Variants in HCFC1 observed in about 807,000 individuals in gnomAD.
HCFC1 encodes host cell factor C1.
HCFC1 carries 7 observed loss-of-function variants against 105.5 expected under a neutral mutation model. The ratio of observed to expected loss-of-function variants is 0.07; its 90% CI spans 0.04 to 0.12. HCFC1 has a LOEUF of 0.12. Among genes scored for constraint, HCFC1 ranks in the 10% least tolerant of loss-of-function variants. HCFC1 has a pLI of 1.00. For missense variants in HCFC1, 1,065 were observed against 1,823.6 expected, an observed-to-expected ratio of 0.58 and a Z score of 7.58; for synonymous variants, 918 against 828.1, an observed-to-expected ratio of 1.11 and a Z score of -1.86.
Position 153,959,360 on chromosome X carries a change from C to A in HCFC1, c.1576G>T (p.Val526Phe), listed in dbSNP as rs782573174. 1 of 1,209,770 alleles carries A rather than the reference C, an allele frequency of 8.3e-7. No individual in the cohort carries two copies. Among genetic ancestry groups the A allele is most frequent in the African/African-American group, 1.7e-5 (1 of 57,508 alleles). Reference sequence around the variant, plus strand: ...CCCTGGGCACTCTGTGTTGGCACAACCATCCGCACTCCGGCGGGAAGGGAG... The same window carrying A: ...CCCTGGGCACTCTGTGTTGGCACAAACATCCGCACTCCGGCGGGAAGGGAG... Reference protein sequence around the residue: ...VTSLPAGVRMVVPTQSAQGTV... With the variant: ...VTSLPAGVRMFVPTQSAQGTV... The change falls in exon 9 of 26, where the codon GTT becomes TTT. Residue 526 changes from valine to phenylalanine, a missense_variant. Physicochemically the swap from Val to Phe is conservative, Grantham distance 50. Coordinates refer to ENST00000310441, the MANE Select transcript of HCFC1 (RefSeq NM_005334.3).
chrX:153,952,715 C>G lies in HCFC1; in HGVS notation c.4741G>C (p.Glu1581Gln), dbSNP rs782729346. ...TGGGGAAGTGATAACTGGTCTACTT[C>G]GGACTGTGTGGGTGGGGGTGGCTGG... ...VVQPPPPTQS[E>Q]VDQLSLPQEL... The change falls in exon 19 of 26, where the codon GAA (glutamate) becomes CAA (glutamine). Residue 1581 changes from glutamate (E) to glutamine (Q), a missense_variant. Physicochemically the swap from Glu to Gln is conservative, Grantham distance 29. Transcript: ENST00000310441. 44 of 1,209,014 alleles carry G rather than the reference C, an allele frequency of 3.6e-5. No homozygotes were observed. Among genetic ancestry groups the G allele is most frequent in the Non-Finnish European group, 4.8e-5 (43 of 894,321 alleles).
Position 153,956,615 on chromosome X carries a change from G to A in HCFC1, c.2635+10C>T, listed in dbSNP as rs1603296190. 8.3e-7 allele frequency: 1 copy of A among 1,210,011 alleles called. No homozygotes were observed. Among genetic ancestry groups the A allele is most frequent in the Middle Eastern group, 2.3e-4 (1 of 4,341 alleles). On this transcript the variant is annotated intron_variant, in intron 15 of 25. Transcript: ENST00000310441. The stretch of plus-strand genomic sequence containing the variant: ...AGGGGTGGCAGGGGACCTGGCCTAT[G>A]GGTACACACCTGTGGTGCCTTTCAC...
intron 13 of HCFC1, 50 bp from the exon 14 acceptor site, chrX:153,957,110 C>T (rs782201865): frequency 1.7e-6 from 2 of 1,155,055 alleles, no homozygotes; most frequent in Non-Finnish European, 2.3e-6. Flanking sequence ...GAGGGCTGCC[C>T]CTGCTGCCCC....
rs201491654 is a variant in HCFC1, at chrX:153,952,716, G to A, written c.4740C>T (p.Ser1580=). 9.0e-5 allele frequency: 109 copies of A among 1,208,890 alleles called. No individual in the cohort carries two copies. In the South Asian group the frequency reaches 1.4e-3, roughly 15 times the overall value. The change falls in exon 19 of 26, where the codon TCC becomes TCT. Residue 1580 remains serine (S), a synonymous_variant. Transcript: ENST00000310441. ...VVVQPPPPTQ[S]EVDQLSLPQE... ...GGGGAAGTGATAACTGGTCTACTTC[G>A]GACTGTGTGGGTGGGGGTGGCTGGA...
intron 1 of HCFC1, among the ~76,000 whole-genome samples, chrX:153,967,139 A>G (rs2065480538): frequency 8.9e-6 from 1 of 111,991 alleles, no homozygotes; most frequent in South Asian, 3.7e-4. Context: ...GCCCCCTGAA[A>G]GCACACGAGC....
At chrX:153,959,222 G>T in intron 9 of HCFC1, 109 bp downstream of exon 9, 1 of 810,132 alleles carries the variant, frequency 1.2e-6, no homozygotes, top group Non-Finnish European at 1.8e-6. Context: ...GGAAAGGTGT[G>T]GGGTGCGTGG....
chrX:153,965,321 C>CCAGAGG (rs1244139341), intron 1 of HCFC1, among the ~76,000 whole-genome samples: 3 of 111,762 alleles, frequency 2.7e-5, no homozygotes, highest in African/African-American at 9.7e-5. Flanking sequence ...TTCTTGCAAG[C>CCAGAGG]CAGAGGCAGC....
chrX:153,966,316 C>T lies in HCFC1; in HGVS notation c.194-1590G>A, dbSNP rs188380314. 1.1e-3 allele frequency among the ~76,000 whole-genome samples: 130 copies of T among 113,047 alleles called. 1 individual carries two copies. Among genetic ancestry groups the T allele is most frequent in the African/African-American group, 4.0e-3 (124 of 31,174 alleles). On this transcript the variant is annotated intron_variant, in intron 1 of 25. Coordinates refer to ENST00000310441, the MANE Select transcript of HCFC1 (RefSeq NM_005334.3). ...CCCCCACCCCGCTCTCCAGCACCCA[C>T]TCTGCGGGTAGGCTTCGAGCAGGCT...
Position 153,964,213 on chromosome X carries a change from G to A in HCFC1, c.414C>T (p.Leu138=), listed in dbSNP as rs1302434138. The A allele has an allele frequency of 2.2e-5, 26 of 1,204,715 alleles. No individual in the cohort carries two copies. Among genetic ancestry groups the A allele is most frequent in the South Asian group, 3.6e-5 (2 of 56,199 alleles). Residue 138 remains leucine, a synonymous_variant, in exon 3 of 26, where the codon CTC becomes CTT. Coordinates refer to ENST00000310441, the MANE Select transcript of HCFC1 (RefSeq NM_005334.3). ...PKNGPPPCPR[L]GHSFSLVGNK... ...TGCCCACAAGGGAGAAGCTGTGCCC[G>A]AGTCGAGGACACGGAGGGGGCCCGT...
chrX:153,963,108 G>T, intron 4 of HCFC1, 117 bp downstream of exon 4: 2 of 551,730 alleles, frequency 3.6e-6, no homozygotes, highest in Non-Finnish European at 6.2e-6. Flanking sequence ...GCACGAAGTG[G>T]TATGCTCCAG....
rs371411952 is a variant in HCFC1, at chrX:153,956,951, A to T, written c.2463T>A (p.Ile821=). 9.8e-5 allele frequency: 119 copies of T among 1,208,843 alleles called. No individual in the cohort carries two copies. Among genetic ancestry groups the T allele is most frequent in the Non-Finnish European group, 1.3e-4 (113 of 894,978 alleles). Residue 821 remains isoleucine, a synonymous_variant, in exon 14 of 26, where the codon ATT becomes ATA. Transcript: ENST00000310441. ...PAKIITAVPK[I]ATGHGQQGVT... is the part of the protein sequence containing the mutation. ...CTCCCTGCTGCCCGTGGCCAGTGGC[A>T]ATTTTGGGGACAGCAGTGATGATTT...
chrX:153,957,423 G>A lies in HCFC1; in HGVS notation c.2244C>T (p.Pro748=). 8.3e-7 allele frequency: 1 copy of A among 1,210,552 alleles called. No homozygotes were observed. The highest frequency in any genetic ancestry group is 1.1e-6 in the Non-Finnish European group (1 of 894,410). ...AGACGCTGCTGATGCCCAGGATGGT[G>A]GGCTTGGTCCCCGCCCCACTGGCCT... ...TTQASGAGTK[P]TILGISSVSP... Residue 748 remains proline, a synonymous_variant, in exon 13 of 26, where the codon CCC becomes CCT. Coordinates refer to ENST00000310441, the MANE Select transcript of HCFC1 (RefSeq NM_005334.3).
Position 153,956,670 on chromosome X carries a change from C to T in HCFC1, c.2590G>A (p.Ala864Thr), listed in dbSNP as rs190023981. 1,900 of 1,210,086 alleles carry T rather than the reference C, an allele frequency of 1.6e-3. 3 individuals carry two copies. The highest frequency in any genetic ancestry group is 2.0e-3 in the Non-Finnish European group (1,813 of 895,139). ...AACGTGGTGACGGCTGGCTTGACGGCGGAGACGGTGACGGGTGTGACCAGG... is the reference window on the plus strand; with the variant it reads ...AACGTGGTGACGGCTGGCTTGACGGTGGAGACGGTGACGGGTGTGACCAGG... ...VRLVTPVTVS[A>T]VKPAVTTLVV... Residue 864 changes from alanine to threonine, a missense_variant, in exon 15 of 26, where the codon GCC (alanine) becomes ACC (threonine). By Grantham distance (58) the Ala-to-Thr change is moderately conservative. Around this residue, in one of 17 missense-constraint regions of HCFC1, gnomAD observed 137 missense variants for 378.2 expected, o/e 0.36. Coordinates refer to ENST00000310441, the MANE Select transcript of HCFC1 (RefSeq NM_005334.3).
Position 153,971,399 on chromosome X carries a change from T to A in HCFC1, c.-559A>T. On this transcript the variant is annotated 5_prime_UTR_variant, in exon 1 of 26. Coordinates refer to ENST00000310441, the MANE Select transcript of HCFC1 (RefSeq NM_005334.3). ...CGTCCCGCTTCCCCGCCCAGCGCCT[T>A]AGTGCAGCCGCCGCTCCCGAAACAG... 3.4e-6 allele frequency: 1 copy of A among 292,629 alleles called. No homozygotes were observed. 24.1% of individuals were successfully genotyped at this position (292,629 alleles called of 1,213,427 possible). A position where few individuals can be genotyped will look rare whatever the true frequency, so the allele number is the denominator to read the frequency against.
In HCFC1 at chrX:153,949,150, C is replaced by G. The variant is rs1908250963; in HGVS notation, c.*197G>C. The stretch of plus-strand genomic sequence containing the variant: ...TCTGCTTTCCCATCTGCCTCTGCTT[C>G]CTCCCAACAGCAATGGTAAAATGTG... On this transcript the variant is annotated 3_prime_UTR_variant, in exon 26 of 26. Coordinates refer to ENST00000310441, the MANE Select transcript of HCFC1 (RefSeq NM_005334.3). 2.5e-6 allele frequency: 1 copy of G among 397,449 alleles called. No individual in the cohort carries two copies. Among genetic ancestry groups the G allele is most frequent in the Non-Finnish European group, 4.4e-6 (1 of 225,647 alleles). 32.8% of individuals were successfully genotyped at this position (397,449 alleles called of 1,213,427 possible).
intron 8 of HCFC1, 21 bp downstream of exon 8, chrX:153,959,781 G>A: frequency 8.7e-7 from 1 of 1,149,304 alleles, no homozygotes; most frequent in Non-Finnish European, 1.2e-6. Flanking sequence ...ACTTTCAAAC[G>A]TCCCTGGTCC....
chrX:153,949,754 A>G, intron 24 of HCFC1, 138 bp from the exon 25 acceptor site: 1 of 530,082 alleles, frequency 1.9e-6, no homozygotes, highest in Non-Finnish European at 3.3e-6. Context: ...CGCCTGCCCT[A>G]TGGGTGGTCA....
chrX:153,967,733 A>G (rs2065485556), intron 1 of HCFC1, among the ~76,000 whole-genome samples: 2 of 111,731 alleles, frequency 1.8e-5, no homozygotes, highest in African/African-American at 6.5e-5. Context: ...AGAAGAGGTG[A>G]CGTTTCAGCC....
Position 153,949,094 on chromosome X carries a change from C to CAGCGGGGAGGAAAGGA in HCFC1, c.*237_*252dup, listed in dbSNP as rs2065284361. ...AAAAGTCTCTCCCCAGGGTGGGCGG[C>CAGCGGGGAGGAAAGGA]AGCGGGGAGGAAAGGAAGCGCGCTC... On this transcript the variant is annotated 3_prime_UTR_variant, in exon 26 of 26. Coordinates refer to ENST00000310441, the MANE Select transcript of HCFC1 (RefSeq NM_005334.3). The CAGCGGGGAGGAAAGGA allele has an allele frequency of 2.3e-5, 7 of 306,491 alleles. No homozygotes were observed. In the South Asian group the frequency reaches 4.9e-4, roughly 22 times the overall value. The allele number at this position is 306,491 out of a possible 1,213,427, so 25.3% of individuals were successfully genotyped here.
Sources: allele counts gnomAD v4.1 joint callset (sites outside exome capture counted in the v4.1 genomes callset), GRCh38; gene constraint gnomAD v4.1.1; regional missense constraint gnomAD v4.1.1; transcripts MANE v1.5; gene names NCBI Gene and HGNC (gene_info 2026-07-23, HGNC 2026-07-21).